The following SSC5D variants were observed in gnomAD, a reference collection of about 807,000 sequenced individuals.
The protein encoded by SSC5D is scavenger receptor cysteine rich family member with 5 domains, also known as soluble scavenger receptor cysteine-rich domain-containing protein SSC5D.
In SSC5D, 106 loss-of-function variants were observed where a neutral mutation model predicts 104.6. The ratio of observed to expected loss-of-function variants is 1.01; its 90% CI spans 0.87 to 1.19. The LOEUF (loss-of-function observed/expected upper bound fraction) is 1.19, where lower values mean the gene tolerates loss of function less well. Among genes scored for constraint, SSC5D ranks in the 50% most tolerant of loss-of-function variants. SSC5D has a pLI of 0.00. For synonymous variants in SSC5D, 860 were observed against 883.5 expected, an observed-to-expected ratio of 0.97 and a Z score of 0.47; for missense variants, 1,993 against 2,153.8, an observed-to-expected ratio of 0.93 and a Z score of 1.48.
chr19:55,493,738 T>G lies in SSC5D; in HGVS notation c.1039T>G (p.Cys347Gly). 1 of 1,523,854 alleles carries G rather than the reference T, an allele frequency of 6.6e-7. No homozygotes were observed. Among genetic ancestry groups the G allele is most frequent in the Non-Finnish European group, 8.8e-7 (1 of 1,137,456 alleles). The allele number at this position is 1,523,854 out of a possible 1,614,324, so 94.4% of individuals were successfully genotyped here. Residue 347 changes from cysteine (C) to glycine (G), a missense_variant, in exon 7 of 14, where the codon TGC becomes GGC. By Grantham distance (159) the Cys-to-Gly change is radical. Around this residue, in one of 6 missense-constraint regions of SSC5D, gnomAD observed 1,101 missense variants for 1,085.0 expected, o/e 1.01. Coordinates refer to ENST00000389623, the MANE Select transcript of SSC5D (RefSeq NM_001144950.2). ...DAAVACRELG[C>G]GGALAAPGGA... ...CGCTGTGGCCTGCCGAGAGCTGGGC[T>G]GCGGAGGGGCGCTGGCCGCCCCCGG...
intron 12 of SSC5D, among the ~76,000 whole-genome samples, chr19:55,511,114 T>C (rs957265818): frequency 6.6e-6 from 1 of 152,184 alleles, no homozygotes; most frequent in Non-Finnish European, 1.5e-5. Context: ...TCCTAATGGG[T>C]ATGGATATCT....
chr19:55,490,518 G>T, intron 5 of SSC5D, 110 bp downstream of exon 5: 1 of 609,150 alleles, frequency 1.6e-6, no homozygotes, highest in Non-Finnish European at 2.9e-6. Context: ...GCCCTGGAGG[G>T]ATCCCAGTGT....
At chr19:55,508,038 C>T (rs143092759) in intron 12 of SSC5D, among the ~76,000 whole-genome samples, 130 of 152,140 alleles carry the variant, frequency 8.5e-4, no homozygotes, top group African/African-American at 3.1e-3. Context: ...GGAACGGGTA[C>T]CTTTTACCAG....
chr19:55,491,187 C>T (rs1021980915), intron 6 of SSC5D, 107 bp downstream of exon 6: 53 of 1,275,384 alleles, frequency 4.2e-5, no homozygotes, highest in Non-Finnish European at 5.3e-5. Flanking sequence ...GCCTCCTGCC[C>T]GCCTGCTCTC....
chr19:55,497,938 G>A lies in SSC5D; in HGVS notation c.1446G>A (p.Val482=), dbSNP rs116881453. 2,396 of 1,551,474 alleles carry A rather than the reference G, an allele frequency of 1.5e-3. 67 individuals are homozygous for A. The East Asian group carries it at 0.052, about 34-fold the overall frequency. The change falls in exon 9 of 14, where the codon GTG becomes GTA. Residue 482 remains valine (V), a synonymous_variant. Coordinates refer to ENST00000389623, the MANE Select transcript of SSC5D (RefSeq NM_001144950.2). ...GPSKCSGRLE[V]WHDQRWGTVC... is the part of the protein sequence containing the mutation. ...GCAAGTGCTCAGGTCGACTGGAGGT[G>A]TGGCATGACCAGCGCTGGGGGACCG...
Position 55,499,939 on chromosome 19 carries a change from C to A in SSC5D, c.1829C>A (p.Ala610Asp), listed in dbSNP as rs1987428535. 1 of 1,551,812 alleles carries A rather than the reference C, an allele frequency of 6.4e-7. No individual in the cohort carries two copies. ...LATKPSASVT[A>D]SVLEKTTTKA... ...ACCAAGCCCTCTGCAAGTGTGACTGCCAGTGTTCTGGAGAAAACAACCACG... is the reference window on the plus strand; with the variant it reads ...ACCAAGCCCTCTGCAAGTGTGACTGACAGTGTTCTGGAGAAAACAACCACG... Residue 610 changes from alanine to aspartate, a missense_variant, in exon 10 of 14, where the codon GCC (alanine) becomes GAC (aspartate). Ala to Asp is a moderately radical substitution (Grantham distance 126). Transcript: ENST00000389623.
rs1385253387 is a variant in SSC5D at position 55,498,133 on chromosome 19, C to T, written c.1641C>T (p.Cys547=). 6.4e-7 allele frequency: 1 copy of T among 1,551,724 alleles called. No individual in the cohort carries two copies. ...CVGTEASLSD[C]PAAPWGKHNC... ...GGACCGAGGCTTCACTGTCCGACTGCCCTGCTGCTCCCTGGGGAAAGCACA... is the reference window on the plus strand; with the variant it reads ...GGACCGAGGCTTCACTGTCCGACTGTCCTGCTGCTCCCTGGGGAAAGCACA... Residue 547 remains cysteine, a synonymous_variant, in exon 9 of 14, where the codon TGC becomes TGT. Coordinates refer to ENST00000389623, the MANE Select transcript of SSC5D (RefSeq NM_001144950.2).
At chr19:55,496,721 A>G (rs1251112625) in intron 8 of SSC5D, among the ~76,000 whole-genome samples, 1 of 151,522 alleles carries the variant, frequency 6.6e-6, no homozygotes, top group South Asian at 2.1e-4. Flanking sequence ...TAAAACATAC[A>G]TGACATAAAG....
At chr19:55,510,596 C>T (rs900431915) in intron 12 of SSC5D, among the ~76,000 whole-genome samples, 2 of 152,108 alleles carry the variant, frequency 1.3e-5, no homozygotes, top group Admixed American at 6.5e-5. Flanking sequence ...ATCCGCCCAC[C>T]TCAGCCTCCT....
chr19:55,518,181 C>T lies in SSC5D; in HGVS notation c.3905C>T (p.Thr1302Ile), dbSNP rs373636143. 2.7e-4 allele frequency: 390 copies of T among 1,451,126 alleles called. 1 individual carries two copies. Among genetic ancestry groups the T allele is most frequent in the Non-Finnish European group, 3.5e-4 (381 of 1,089,348 alleles). The allele number at this position is 1,451,126 out of a possible 1,614,324, so 89.9% of individuals were successfully genotyped here. A position where few individuals can be genotyped will look rare whatever the true frequency, so the allele number is the denominator to read the frequency against. Residue 1302 changes from threonine (T) to isoleucine (I), a missense_variant, in exon 14 of 14, where the codon ACC becomes ATC. Coordinates refer to ENST00000389623, the MANE Select transcript of SSC5D (RefSeq NM_001144950.2). ...CACCCCACCACAACCCCTCACCCCA[C>T]CATGACTCCTGACCCCACCACGACC... ...TPHPTTTPHP[T>I]MTPDPTTTPY...
rs769666639 is a variant in SSC5D at position 55,518,870 on chromosome 19, G to T, written c.4594G>T (p.Ala1532Ser). Residue 1532 changes from alanine (A) to serine (S), a missense_variant, in exon 14 of 14, where the codon GCC becomes TCC. By Grantham distance (99) the Ala-to-Ser change is moderately conservative. Around this residue, in one of 6 missense-constraint regions of SSC5D, gnomAD observed 349 missense variants for 397.6 expected, o/e 0.88. Coordinates refer to ENST00000389623, the MANE Select transcript of SSC5D (RefSeq NM_001144950.2). ...LLGLTQLVEA[A>S]RGLGQLGEAV... is the part of the protein sequence containing the mutation. ...GGGGCTGACGCAGCTGGTAGAAGCT[G>T]CCCGGGGTCTGGGGCAGCTGGGTGA... 6 of 1,550,336 alleles carry T rather than the reference G, an allele frequency of 3.9e-6. No individual in the cohort carries two copies. Among genetic ancestry groups the T allele is most frequent in the Non-Finnish European group, 5.2e-6 (6 of 1,146,992 alleles).
Position 55,518,640 on chromosome 19 carries a change from A to AC in SSC5D, c.4369dup (p.Leu1457ProfsTer30). On this transcript the variant is annotated frameshift_variant, in exon 14 of 14. Coordinates refer to ENST00000389623, the MANE Select transcript of SSC5D (RefSeq NM_001144950.2). LOFTEE classifies it low-confidence loss of function (END_TRUNC). ...CACCCCTTGGATCATCCTCCCCTTG[A>AC]CCCCCTCACCCTAGGGCCAACTCCT... is the stretch of plus-strand genomic sequence containing the variant. 1 of 1,502,792 alleles carries AC rather than the reference A, an allele frequency of 6.7e-7. No homozygotes were observed. Among genetic ancestry groups the AC allele is most frequent in the Non-Finnish European group, 8.9e-7 (1 of 1,125,120 alleles). 93.1% of individuals were successfully genotyped at this position (1,502,792 alleles called of 1,614,324 possible). A position where few individuals can be genotyped will look rare whatever the true frequency, so the allele number is the denominator to read the frequency against.
In SSC5D at chr19:55,518,408, T is replaced by C; in HGVS notation, c.4132T>C (p.Ser1378Pro). The change falls in exon 14 of 14, where the codon TCC becomes CCC. Residue 1378 changes from serine (S) to proline (P), a missense_variant. By Grantham distance (74) the Ser-to-Pro change is moderately conservative. Transcript: ENST00000389623. ...FTAPAPHTST[S>P]QIPTLEPSPA... is the part of the protein sequence containing the mutation. ...AGCACCTGCCCCTCACACCTCCACA[T>C]CCCAGATACCCACCTTAGAGCCCTC... The C allele has an allele frequency of 6.4e-7, 1 of 1,550,734 alleles. No homozygotes were observed. Among genetic ancestry groups the C allele is most frequent in the Non-Finnish European group, 8.7e-7 (1 of 1,146,812 alleles).
At chr19:55,512,349 A>G (rs1410975643) in intron 12 of SSC5D, among the ~76,000 whole-genome samples, 2 of 136,572 alleles carry the variant, frequency 1.5e-5, no homozygotes, top group Non-Finnish European at 3.1e-5. Context: ...TTATATAGAG[A>G]TTAAGTGCAT....
At chr19:55,508,560 C>G (rs541347976) in intron 12 of SSC5D, among the ~76,000 whole-genome samples, 10 of 152,318 alleles carry the variant, frequency 6.6e-5, no homozygotes, top group African/African-American at 2.2e-4. Flanking sequence ...GATTCAGACT[C>G]CAGATTCCAC....
chr19:55,490,857 C>G lies in SSC5D; in HGVS notation c.672C>G (p.Asp224Glu). 6.5e-7 allele frequency: 1 copy of G among 1,547,042 alleles called. No homozygotes were observed. The highest frequency in any genetic ancestry group is 1.2e-5 in the South Asian group (1 of 83,648). Reference protein sequence around the residue: ...WHGGRWGTVCDDGWDLRDAAV... With the variant: ...WHGGRWGTVCEDGWDLRDAAV... Reference sequence around the variant, plus strand: ...GCGGGCGCTGGGGCACCGTATGTGACGATGGCTGGGACCTGCGCGACGCTG... The same window carrying G: ...GCGGGCGCTGGGGCACCGTATGTGAGGATGGCTGGGACCTGCGCGACGCTG... Residue 224 changes from aspartate (D) to glutamate (E), a missense_variant, in exon 6 of 14, where the codon GAC (aspartate) becomes GAG (glutamate). Coordinates refer to ENST00000389623, the MANE Select transcript of SSC5D (RefSeq NM_001144950.2).
chr19:55,488,491 GCAGGCA>G lies in SSC5D; in HGVS notation c.-97_-92del. ...TCCTCCTCGGGCCTGGGCGCCTCCA[GCAGGCA>G]CTTCCCTCCCTCCCTCTCTCCCCAG... On this transcript the variant is annotated 5_prime_UTR_variant, in exon 1 of 14. Transcript: ENST00000389623. 8.7e-7 allele frequency: 1 copy of G among 1,150,218 alleles called. No individual in the cohort carries two copies. Among genetic ancestry groups the G allele is most frequent in the Non-Finnish European group, 1.3e-6 (1 of 794,366 alleles). 71.3% of individuals were successfully genotyped at this position (1,150,218 alleles called of 1,614,324 possible).
Position 55,505,980 on chromosome 19 carries a change from A to G in SSC5D, c.2785+4779A>G, listed in dbSNP as rs867890571. Among the ~76,000 whole-genome samples, 6 of 151,584 alleles carry G rather than the reference A, an allele frequency of 4.0e-5. No homozygotes were observed. The South Asian group carries it at 1.2e-3, about 31-fold the overall frequency. ...TTGAACTCCTGACCTCAGGTGATCC[A>G]CCCGCCTTGGTCACCCAAAGTGGTG... On this transcript the variant is annotated intron_variant, in intron 12 of 13. Coordinates refer to ENST00000389623, the MANE Select transcript of SSC5D (RefSeq NM_001144950.2).
chr19:55,509,873 G>A (rs1289925649), intron 12 of SSC5D, among the ~76,000 whole-genome samples: 20 of 17,478 alleles, frequency 1.1e-3, no homozygotes, highest in South Asian at 1.7e-3. Flanking sequence ...AAAAAAAAAA[G>A]AGAAAAAGAA....
Sources: allele counts gnomAD v4.1 joint callset (sites outside exome capture counted in the v4.1 genomes callset), GRCh38; gene constraint gnomAD v4.1.1; regional missense constraint gnomAD v4.1.1; transcripts MANE v1.5; gene names NCBI Gene and HGNC (gene_info 2026-07-23, HGNC 2026-07-21).